METTL15: variants seen among roughly 807,000 people sequenced by gnomAD.
METTL15 encodes 12S rRNA N(4)-cytidine methyltransferase METTL15.
Under a neutral mutation model 38.3 loss-of-function variants are expected in METTL15, and 34 were observed. The observed-to-expected ratio is 0.89, with a 90% CI of 0.68 to 1.18. METTL15 has a LOEUF of 1.18. Ranked by LOEUF, METTL15 falls within the 50% of genes most tolerant of loss-of-function variation. METTL15 has a pLI of 0.00. For synonymous variants in METTL15, 162 were observed against 170.9 expected (o/e 0.95, Z 0.41); for missense variants, 438 against 498.4 (o/e 0.88, Z 1.15).
rs1196746260 is a variant in METTL15, at chr11:28,333,363, G to A, written c.*2522G>A. ...TCTTGCCTGCTTCTTAGTCTTTGTT[G>A]TAGGATGCATAATAAAATACATGAA... is the stretch of plus-strand genomic sequence containing the variant. On this transcript the variant is annotated 3_prime_UTR_variant, in exon 7 of 7. Coordinates refer to ENST00000407364, the MANE Select transcript of METTL15 (RefSeq NM_001113528.2). The A allele has an allele frequency of 6.6e-6, 1 of 152,160 alleles. No individual in the cohort carries two copies. The highest frequency in any genetic ancestry group is 1.5e-5 in the Non-Finnish European group (1 of 68,016). 9.4% of individuals were successfully genotyped at this position (152,160 alleles called of 1,614,324 possible). A position where few individuals can be genotyped will look rare whatever the true frequency, so the allele number is the denominator to read the frequency against.
At chr11:28,449,094 T>C (rs1294786991) in intron 6 of METTL15, among the ~76,000 whole-genome samples, 2 of 152,158 alleles carry the variant, frequency 1.3e-5, no homozygotes, top group Admixed American at 1.3e-4. Flanking sequence ...TTCTTTCTTC[T>C]ATGTGGTTTC....
chr11:28,342,429 A>ATT (rs749799326), intron 3 of METTL15, among the ~76,000 whole-genome samples: 161 of 142,794 alleles, frequency 1.1e-3, no homozygotes, highest in African/African-American at 2.1e-3. Context: ...GGCTGGGCTA[A>ATT]TTTTTTTTTT....
chr11:28,378,675 C>T (rs992198667), intron 5 of METTL15, among the ~76,000 whole-genome samples: 2 of 151,992 alleles, frequency 1.3e-5, no homozygotes, highest in African/African-American at 4.8e-5. Context: ...CATCTTGGCT[C>T]CTCCACCTGT....
intron 4 of METTL15, among the ~76,000 whole-genome samples, chr11:28,256,759 C>G (rs1337458889): frequency 6.6e-6 from 1 of 151,760 alleles, no homozygotes; most frequent in African/African-American, 2.4e-5. Context: ...TTTGCTTTGT[C>G]CATGCTTTTC....
Position 28,411,242 on chromosome 11 carries a change from A to T in METTL15, c.*359-13057A>T, listed in dbSNP as rs543197647. Among the ~76,000 whole-genome samples the T allele has an allele frequency of 9.9e-5, 15 of 152,134 alleles. 1 individual carries two copies. Among genetic ancestry groups the T allele is most frequent in the African/African-American group, 3.4e-4 (14 of 41,578 alleles). ...TGGTGCTCTTCACAGAAAAAGAAAA[A>T]ATTCTAAAATTCATATGGGACTACA... On this transcript the variant is annotated intron_variant and NMD_transcript_variant, in intron 5 of 7. Transcript: ENST00000532947.
At chr11:28,324,694 G>A (rs1849574808) in intron 6 of METTL15, among the ~76,000 whole-genome samples, 1 of 152,168 alleles carries the variant, frequency 6.6e-6, no homozygotes, top group Admixed American at 6.5e-5. Flanking sequence ...AATGCTTTTT[G>A]TGACTAAAAT....
At chr11:28,254,692 G>T (rs555192926) in intron 4 of METTL15, among the ~76,000 whole-genome samples, 2 of 151,938 alleles carry the variant, frequency 1.3e-5, no homozygotes, top group Non-Finnish European at 2.9e-5. Flanking sequence ...TCATTATTCC[G>T]CAAATGGATA....
intron 6 of METTL15, among the ~76,000 whole-genome samples, chr11:28,523,283 T>C (rs921012599): frequency 2.0e-5 from 3 of 152,222 alleles, no homozygotes; most frequent in Non-Finnish European, 2.9e-5. Flanking sequence ...AACAATATAA[T>C]TGAATTATAA....
intron 3 of METTL15, among the ~76,000 whole-genome samples, chr11:28,184,889 A>G (rs910324389): frequency 6.6e-6 from 1 of 151,516 alleles, no homozygotes; most frequent in Admixed American, 6.6e-5. Flanking sequence ...TTGCTATTGC[A>G]TGTATCCAAG....
At chr11:28,290,665 T>G (rs375009166) in intron 5 of METTL15, among the ~76,000 whole-genome samples, 2 of 152,152 alleles carry the variant, frequency 1.3e-5, no homozygotes, top group African/African-American at 4.8e-5. Flanking sequence ...TTACACAATA[T>G]GGGTTTTAGA....
intron 6 of METTL15, among the ~76,000 whole-genome samples, chr11:28,306,035 G>A (rs1352964525): frequency 6.6e-6 from 1 of 152,022 alleles, no homozygotes; most frequent in Non-Finnish European, 1.5e-5. Context: ...CAAATTCCTG[G>A]AATTCCTCAT....
intron 3 of METTL15, among the ~76,000 whole-genome samples, chr11:28,168,337 AAT>A (rs1850727950): frequency 6.6e-6 from 1 of 152,044 alleles, no homozygotes; most frequent in Non-Finnish European, 1.5e-5. Context: ...GTAATTGAGA[AAT>A]AAAAAAAAAA....
chr11:28,485,525 A>G (rs1851431239), intron 6 of METTL15, among the ~76,000 whole-genome samples: 1 of 152,184 alleles, frequency 6.6e-6, no homozygotes, highest in Non-Finnish European at 1.5e-5. Context: ...AGGGGCAGAG[A>G]GAGAAGAGGC....
intron 5 of METTL15, among the ~76,000 whole-genome samples, chr11:28,362,537 A>G (rs933497450): frequency 6.6e-6 from 1 of 152,096 alleles, no homozygotes; most frequent in Non-Finnish European, 1.5e-5. Flanking sequence ...CATCTTTATC[A>G]TCATGTATAT....
intron 5 of METTL15, among the ~76,000 whole-genome samples, chr11:28,424,026 A>C (rs1026067862): frequency 6.6e-5 from 10 of 152,056 alleles, no homozygotes; most frequent in African/African-American, 2.4e-4. Context: ...CCAAAGAAAC[A>C]AACAAAAAAC....
chr11:28,334,713 G>A (rs1171757157), downstream of METTL15, among the ~76,000 whole-genome samples: 2 of 152,034 alleles, frequency 1.3e-5, no homozygotes, highest in Non-Finnish European at 2.9e-5. Flanking sequence ...TCCAACTAAT[G>A]TTTGGTAACA....
intron 6 of METTL15, among the ~76,000 whole-genome samples, chr11:28,448,984 C>T (rs1851097273): frequency 6.6e-6 from 1 of 152,128 alleles, no homozygotes; most frequent in South Asian, 2.1e-4. Flanking sequence ...AGTAAAATGC[C>T]TTAAAATATG....
At chr11:28,478,338 G>A (rs949832793) in intron 6 of METTL15, among the ~76,000 whole-genome samples, 30 of 152,172 alleles carry the variant, frequency 2.0e-4, no homozygotes, top group African/African-American at 6.3e-4. Flanking sequence ...CAGAGATGGT[G>A]ATTATGAGTC....
intron 3 of METTL15, among the ~76,000 whole-genome samples, chr11:28,341,810 T>G (rs887074174): frequency 1.3e-5 from 2 of 152,180 alleles, no homozygotes; most frequent in Non-Finnish European, 2.9e-5. Flanking sequence ...TGGAGTGGAC[T>G]CTTCTCTGTG....
Sources: allele counts gnomAD v4.1 joint callset (sites outside exome capture counted in the v4.1 genomes callset), GRCh38; gene constraint gnomAD v4.1.1; transcripts MANE v1.5; gene names NCBI Gene and HGNC (gene_info 2026-07-23, HGNC 2026-07-21).